Variants in LYSMD3 observed in about 807,000 individuals in gnomAD.
LYSMD3 encodes the protein LysM domain containing 3.
LYSMD3 carries 13 observed loss-of-function variants against 26.1 expected under a neutral mutation model. That is an observed-to-expected ratio of 0.50 (90% CI 0.32 to 0.79). LYSMD3 has a LOEUF of 0.79. Ranked by LOEUF, LYSMD3 falls within the 30% of genes least tolerant of loss-of-function variation. LYSMD3 has a pLI of 0.03. For missense variants in LYSMD3, 331 were observed against 362.5 expected (o/e 0.91, Z 0.71); for synonymous variants, 109 against 119.4 (o/e 0.91, Z 0.57).
In LYSMD3 at chr5:90,525,053, G is replaced by C; in HGVS notation, c.237C>G (p.Ala79=). Residue 79 remains alanine, a synonymous_variant, in exon 2 of 3, where the codon GCC becomes GCG. Coordinates refer to ENST00000315948, the MANE Select transcript of LYSMD3 (RefSeq NM_198273.2). ...IQEGDTLNAI[A]LQYCCTVADI... is the part of the protein sequence containing the mutation. ...AACTTACCGTACAACAGTACTGAAG[G>C]GCTATTGCATTTAATGTATCTCCTT... 6.2e-7 allele frequency: 1 copy of C among 1,607,312 alleles called. No homozygotes were observed. The highest frequency in any genetic ancestry group is 8.5e-7 in the Non-Finnish European group (1 of 1,175,470).
chr5:90,527,608 C>A (rs1670539197), intron 1 of LYSMD3, among the ~76,000 whole-genome samples: 1 of 152,016 alleles, frequency 6.6e-6, no homozygotes, highest in Non-Finnish European at 1.5e-5. Flanking sequence ...GTGCACAAAT[C>A]ATATAAAATT....
chr5:90,522,651 T>C (rs1461169239), intron 2 of LYSMD3, among the ~76,000 whole-genome samples: 1 of 152,224 alleles, frequency 6.6e-6, no homozygotes, highest in Non-Finnish European at 1.5e-5. Context: ...AATAATTGTA[T>C]TCTCTTACTA....
chr5:90,524,736 C>T (rs528224826), intron 2 of LYSMD3, among the ~76,000 whole-genome samples: 4 of 152,234 alleles, frequency 2.6e-5, no homozygotes, highest in East Asian at 1.9e-4. Context: ...GGACTACAGG[C>T]GCCTGCCAAC....
Position 90,518,775 on chromosome 5 carries a change from C to A in LYSMD3, c.*44G>T. On this transcript the variant is annotated 3_prime_UTR_variant, in exon 3 of 3. Coordinates refer to ENST00000315948, the MANE Select transcript of LYSMD3 (RefSeq NM_198273.2). ...TTGGATATAACTGATTCACCACATTCCAGATGCACATGTGACCACTAACAT... is the reference window on the plus strand; with the variant it reads ...TTGGATATAACTGATTCACCACATTACAGATGCACATGTGACCACTAACAT... The A allele has an allele frequency of 1.4e-6, 2 of 1,480,688 alleles. No homozygotes were observed. Among genetic ancestry groups the A allele is most frequent in the Non-Finnish European group, 1.8e-6 (2 of 1,099,262 alleles). The allele number at this position is 1,480,688 out of a possible 1,614,324, so 91.7% of individuals were successfully genotyped here.
rs1752936052 is a variant in LYSMD3, at chr5:90,515,985, CATG to C, written c.*2831_*2833del. 1 of 152,096 alleles carries C rather than the reference CATG, an allele frequency of 6.6e-6. No individual in the cohort carries two copies. Among genetic ancestry groups the C allele is most frequent in the South Asian group, 2.1e-4 (1 of 4,832 alleles). The allele number at this position is 152,096 out of a possible 1,614,324, so 9.4% of individuals were successfully genotyped here. ...TGTAACACTGACTAGATCCTTGCTTCATGATATTTCTAAAACTAAGCATATCCT... is the reference window on the plus strand; with the variant it reads ...TGTAACACTGACTAGATCCTTGCTTCATATTTCTAAAACTAAGCATATCCT... On this transcript the variant is annotated 3_prime_UTR_variant, in exon 3 of 3. Transcript: ENST00000315948.
Position 90,518,641 on chromosome 5 carries a change from G to A in LYSMD3, c.*178C>T. 1 of 540,288 alleles carries A rather than the reference G, an allele frequency of 1.9e-6. No individual in the cohort carries two copies. The highest frequency in any genetic ancestry group is 3.1e-5 in the South Asian group (1 of 32,030). The allele number at this position is 540,288 out of a possible 1,614,324, so 33.5% of individuals were successfully genotyped here. On this transcript the variant is annotated 3_prime_UTR_variant, in exon 3 of 3. Transcript: ENST00000315948. ...CACACACCAGATTTATGGATCAACTGCTCTCAACATCAACAACTAGTTGCT... is the reference window on the plus strand; with the variant it reads ...CACACACCAGATTTATGGATCAACTACTCTCAACATCAACAACTAGTTGCT...
At chr5:90,521,845 T>C (rs571171544) in intron 2 of LYSMD3, among the ~76,000 whole-genome samples, 1 of 152,164 alleles carries the variant, frequency 6.6e-6, no homozygotes, top group Non-Finnish European at 1.5e-5. Context: ...AACTGACAGA[T>C]TTTTAATAAT....
At position 90,517,394 on chromosome 5, in the gene LYSMD3, T is replaced by TCTTAAGTATATATTATATAC. The variant is rs1210375434; in HGVS notation, c.*1405_*1424dup. The TCTTAAGTATATATTATATAC allele has an allele frequency of 6.6e-6, 1 of 152,064 alleles. No individual in the cohort carries two copies. The highest frequency in any genetic ancestry group is 2.4e-5 in the African/African-American group (1 of 41,450). 9.4% of individuals were successfully genotyped at this position (152,064 alleles called of 1,614,324 possible). Reference sequence around the variant, plus strand: ...CCAGAAAATGAGGTGGTATTATATATCTTAAGTATATATTATATACAAAAC... The same window carrying TCTTAAGTATATATTATATAC: ...CCAGAAAATGAGGTGGTATTATATATCTTAAGTATATATTATATACCTTAAGTATATATTATATACAAAAC... On this transcript the variant is annotated 3_prime_UTR_variant, in exon 3 of 3. Transcript: ENST00000315948.
At chr5:90,519,574 A>G in intron 2 of LYSMD3, 90 bp from the exon 3 acceptor site, 1 of 1,329,400 alleles carries the variant, frequency 7.5e-7, no homozygotes, top group Non-Finnish European at 1.0e-6. Context: ...TTTTGGAGGA[A>G]AAAAAAAGTT....
At position 90,517,175 on chromosome 5, in the gene LYSMD3, T is replaced by C. The variant is rs1178688258; in HGVS notation, c.*1644A>G. ...AACTTCCCTATTAAACACTTTTTGGTAATTGTCTAAGGTCCTCTAATATTT... is the reference window on the plus strand; with the variant it reads ...AACTTCCCTATTAAACACTTTTTGGCAATTGTCTAAGGTCCTCTAATATTT... On this transcript the variant is annotated 3_prime_UTR_variant, in exon 3 of 3. Transcript: ENST00000315948. 1 of 152,494 alleles carries C rather than the reference T, an allele frequency of 6.6e-6. No homozygotes were observed. Among genetic ancestry groups the C allele is most frequent in the Non-Finnish European group, 1.5e-5 (1 of 67,912 alleles). 9.4% of individuals were successfully genotyped at this position (152,494 alleles called of 1,614,324 possible).
intron 2 of LYSMD3, 150 bp from the exon 3 acceptor site, chr5:90,519,634 G>T: frequency 1.3e-6 from 1 of 758,698 alleles, no homozygotes; most frequent in Non-Finnish European, 2.1e-6. Flanking sequence ...AATTTTATTT[G>T]TAGATGAGAA....
intron 2 of LYSMD3, among the ~76,000 whole-genome samples, chr5:90,522,200 C>T (rs941634756): frequency 2.6e-5 from 4 of 152,198 alleles, no homozygotes; most frequent in Non-Finnish European, 4.4e-5. Context: ...CTCACTCGCT[C>T]TTCTTCCTGC....
Position 90,529,564 on chromosome 5 carries a change from G to C in LYSMD3, c.-128C>G, listed in dbSNP as rs1753316079. The stretch of plus-strand genomic sequence containing the variant: ...CTTTGGGCTGACCCCGTCCGCCTCC[G>C]CCTCTGCCGCCAACGTCTCCGCCTT... On this transcript the variant is annotated 5_prime_UTR_variant, in exon 1 of 3. Coordinates refer to ENST00000315948, the MANE Select transcript of LYSMD3 (RefSeq NM_198273.2). 2.2e-6 allele frequency: 1 copy of C among 456,202 alleles called. No individual in the cohort carries two copies. The highest frequency in any genetic ancestry group is 4.4e-6 in the Non-Finnish European group (1 of 226,786). The allele number at this position is 456,202 out of a possible 1,614,324, so 28.3% of individuals were successfully genotyped here. A position where few individuals can be genotyped will look rare whatever the true frequency, so the allele number is the denominator to read the frequency against.
At chr5:90,529,049 T>C (rs1753293884) in intron 1 of LYSMD3, among the ~76,000 whole-genome samples, 1 of 152,242 alleles carries the variant, frequency 6.6e-6, no homozygotes, top group African/African-American at 2.4e-5. Context: ...CAAGTTTTTC[T>C]TTCCCTGCTA....
rs1014514508 is a variant in LYSMD3 at position 90,515,711 on chromosome 5, G to T, written c.*3108C>A. The stretch of plus-strand genomic sequence containing the variant: ...AAGGGGCAAAAAATTTTAAAAACTG[G>T]TTTTACAGATACACATGCTAACAAT... On this transcript the variant is annotated 3_prime_UTR_variant, in exon 3 of 3. Coordinates refer to ENST00000315948, the MANE Select transcript of LYSMD3 (RefSeq NM_198273.2). 3.3e-5 allele frequency: 5 copies of T among 152,002 alleles called. No individual in the cohort carries two copies. The highest frequency in any genetic ancestry group is 7.4e-5 in the Non-Finnish European group (5 of 67,998). 9.4% of individuals were successfully genotyped at this position (152,002 alleles called of 1,614,324 possible).
chr5:90,521,574 A>G (rs1753089995), intron 2 of LYSMD3, among the ~76,000 whole-genome samples: 1 of 152,074 alleles, frequency 6.6e-6, no homozygotes, highest in Non-Finnish European at 1.5e-5. Flanking sequence ...CTACCTTCGC[A>G]CTGTTTTGTC....
Position 90,518,969 on chromosome 5 carries a change from T to G in LYSMD3, c.771A>C (p.Ser257=). Residue 257 remains serine, a synonymous_variant, in exon 3 of 3, where the codon TCA becomes TCC. Transcript: ENST00000315948. ...GGGGTGTGATTTTTGAATGTAAATG[T>G]GAAGAGTCCACTGTTGAATGATGAC... is the stretch of plus-strand genomic sequence containing the variant. ...DVSHHSTVDS[S]HLHSKITPPS... is the part of the protein sequence containing the mutation. The G allele has an allele frequency of 6.2e-7, 1 of 1,614,106 alleles. No individual in the cohort carries two copies. The highest frequency in any genetic ancestry group is 1.1e-5 in the South Asian group (1 of 91,082).
chr5:90,519,687 C>T lies in LYSMD3; in HGVS notation c.256-203G>A, dbSNP rs538190581. ...TGTACCAATCTTAGGAAATCACCAACTACTTTTTACTATCACCCATATATG... is the reference window on the plus strand; with the variant it reads ...TGTACCAATCTTAGGAAATCACCAATTACTTTTTACTATCACCCATATATG... On this transcript the variant is annotated intron_variant, in intron 2 of 2. Coordinates refer to ENST00000315948, the MANE Select transcript of LYSMD3 (RefSeq NM_198273.2). Among the ~76,000 whole-genome samples the T allele has an allele frequency of 1.6e-4, 24 of 152,222 alleles. No homozygotes were observed. In the South Asian group the frequency reaches 5.0e-3, roughly 32 times the overall value.
chr5:90,520,641 C>T (rs1753068172), intron 2 of LYSMD3, among the ~76,000 whole-genome samples: 1 of 152,084 alleles, frequency 6.6e-6, no homozygotes, highest in Non-Finnish European at 1.5e-5. Context: ...TGAAGTCAGC[C>T]AGACGTGGTG....
Sources: gnomAD v4.1 joint callset for allele counts (sites outside exome capture counted in the v4.1 genomes callset) on GRCh38, gnomAD v4.1.1 for gene constraint, MANE v1.5 for transcripts, NCBI Gene and HGNC (gene_info 2026-07-23, HGNC 2026-07-21) for gene names.